C9: variants seen among roughly 807,000 people sequenced by gnomAD.
C9 encodes the protein complement C9.
Under a neutral mutation model 65.4 loss-of-function variants are expected in C9, and 63 were observed. That is an observed-to-expected ratio of 0.96 (90% CI 0.79 to 1.19). The LOEUF (loss-of-function observed/expected upper bound fraction) is 1.19, where lower values mean the gene tolerates loss of function less well. Among genes scored for constraint, C9 ranks in the 50% most tolerant of loss-of-function variants. C9 has a pLI of 0.00. For missense variants in C9, 744 were observed against 670.1 expected, an observed-to-expected ratio of 1.11 and a Z score of -1.22; for synonymous variants, 229 against 227.9, an observed-to-expected ratio of 1.00 and a Z score of -0.04.
At chr5:39,312,995 T>C (rs1379338030) in intron 6 of C9, among the ~76,000 whole-genome samples, 1 of 152,124 alleles carries the variant, frequency 6.6e-6, no homozygotes, top group Non-Finnish European at 1.5e-5. Flanking sequence ...CAAAGCATAT[T>C]TGGATTTCTT....
intron 1 of C9, among the ~76,000 whole-genome samples, chr5:39,354,969 T>G (rs1450849192): frequency 1.3e-5 from 2 of 152,216 alleles, no homozygotes; most frequent in East Asian, 3.9e-4. Context: ...TATTAACATT[T>G]CTATGAATCT....
intron 9 of C9, among the ~76,000 whole-genome samples, chr5:39,300,422 A>ACAAAAAGAAAAGAAG (rs1188523257): frequency 6.6e-6 from 1 of 152,138 alleles, no homozygotes; most frequent in Non-Finnish European, 1.5e-5. Flanking sequence ...TAAAACAAAA[A>ACAAAAAGAAAAGAAG]CAAAAAGAAA....
At chr5:39,360,627 A>G (rs1298060665) in intron 1 of C9, among the ~76,000 whole-genome samples, 1 of 152,206 alleles carries the variant, frequency 6.6e-6, no homozygotes, top group Non-Finnish European at 1.5e-5. Flanking sequence ...CAATAGAACA[A>G]TGGACAAAGG....
intron 1 of C9, among the ~76,000 whole-genome samples, chr5:39,353,486 T>C (rs1269674877): frequency 6.6e-6 from 1 of 152,236 alleles, no homozygotes. Context: ...GTCTTCAGGC[T>C]TTTAACCATG....
intron 5 of C9, among the ~76,000 whole-genome samples, chr5:39,322,688 C>A (rs374173260): frequency 6.6e-6 from 1 of 152,080 alleles, no homozygotes; most frequent in Non-Finnish European, 1.5e-5. Flanking sequence ...GGTTTTGCAT[C>A]CGTGGATTCA....
intron 9 of C9, among the ~76,000 whole-genome samples, chr5:39,295,504 AAAAG>A (rs1753170460): frequency 6.6e-6 from 1 of 151,632 alleles, no homozygotes; most frequent in South Asian, 2.1e-4. Flanking sequence ...CCAAAGATGT[AAAAG>A]AAAAACTATG....
intron 4 of C9, among the ~76,000 whole-genome samples, chr5:39,340,267 G>A (rs1205996973): frequency 6.6e-6 from 1 of 152,190 alleles, no homozygotes; most frequent in Non-Finnish European, 1.5e-5. Context: ...CATTATAGGT[G>A]AGGAAATAAA....
intron 5 of C9, among the ~76,000 whole-genome samples, chr5:39,317,361 G>A (rs926363670): frequency 7.2e-5 from 11 of 151,996 alleles, no homozygotes; most frequent in South Asian, 4.1e-4. Flanking sequence ...ACTGGATCCC[G>A]TTTGTCAATT....
At chr5:39,348,154 G>A (rs988393408) in intron 1 of C9, among the ~76,000 whole-genome samples, 2 of 152,066 alleles carry the variant, frequency 1.3e-5, no homozygotes, top group African/African-American at 4.8e-5. Context: ...GGCAACAAAA[G>A]CCAAAATTGA....
chr5:39,287,197 G>C (rs953489322), intron 10 of C9, among the ~76,000 whole-genome samples: 4 of 151,820 alleles, frequency 2.6e-5, no homozygotes, highest in African/African-American at 9.7e-5. Context: ...GTTTAATTGA[G>C]TCCTATTTGT....
chr5:39,350,290 C>T (rs915299744), intron 1 of C9, among the ~76,000 whole-genome samples: 2 of 152,154 alleles, frequency 1.3e-5, no homozygotes, highest in African/African-American at 4.8e-5. Context: ...CAGGCTCCTC[C>T]TTGAACATGT....
At chr5:39,342,369 C>A (rs1754103451) in intron 1 of C9, among the ~76,000 whole-genome samples, 173 bp from the exon 2 acceptor site, 1 of 152,140 alleles carries the variant, frequency 6.6e-6, no homozygotes, top group Non-Finnish European at 1.5e-5. Flanking sequence ...ATTTTCAACT[C>A]ATCTTTTTGT....
intron 4 of C9, among the ~76,000 whole-genome samples, chr5:39,335,343 C>T (rs1401817634): frequency 6.6e-6 from 1 of 152,086 alleles, no homozygotes; most frequent in East Asian, 1.9e-4. Flanking sequence ...AAATTGTGTT[C>T]AAATTAAGGA....
intron 1 of C9, among the ~76,000 whole-genome samples, chr5:39,360,709 A>G (rs184174378): frequency 2.0e-5 from 3 of 152,208 alleles, no homozygotes; most frequent in African/African-American, 7.2e-5. Flanking sequence ...AATCTGACTC[A>G]ATAAGAGAAA....
rs1319082522 is a variant in C9 at position 39,326,401 on chromosome 5, C to T, written c.615+5275G>A. Among the ~76,000 whole-genome samples the T allele has an allele frequency of 6.6e-5, 10 of 152,080 alleles. No individual in the cohort carries two copies. In the East Asian group the frequency reaches 1.5e-3, roughly 24 times the overall value. On this transcript the variant is annotated intron_variant, in intron 5 of 10. Transcript: ENST00000263408. ...CTTCTTCATCTCTACTATTACAGAC[C>T]CAGATTAGCCTTTTGTCATCTGCTT...
intron 9 of C9, among the ~76,000 whole-genome samples, chr5:39,305,588 T>G (rs1046235473): frequency 1.3e-5 from 2 of 152,076 alleles, no homozygotes; most frequent in Non-Finnish European, 2.9e-5. Context: ...AAAAAAGCAC[T>G]TACTAATAGT....
At chr5:39,332,180 T>G (rs1187083246) in intron 4 of C9, among the ~76,000 whole-genome samples, 2 of 152,218 alleles carry the variant, frequency 1.3e-5, no homozygotes, top group African/African-American at 4.8e-5. Context: ...ACCAACTATT[T>G]AAATTATTTG....
chr5:39,337,760 G>C (rs1753996006), intron 4 of C9, among the ~76,000 whole-genome samples: 1 of 152,236 alleles, frequency 6.6e-6, no homozygotes, highest in African/African-American at 2.4e-5. Context: ...AATCTCAGAT[G>C]CCTACAAATA....
intron 1 of C9, 142 bp downstream of exon 1, chr5:39,364,246 A>G (rs1319524443): frequency 9.2e-6 from 6 of 648,800 alleles, no homozygotes; most frequent in Non-Finnish European, 1.7e-5. Flanking sequence ...GTATTTTCTT[A>G]TCTCTTTTCG....
Sources: allele counts gnomAD v4.1 joint callset (sites outside exome capture counted in the v4.1 genomes callset), GRCh38; gene constraint gnomAD v4.1.1; transcripts MANE v1.5; gene names NCBI Gene and HGNC (gene_info 2026-07-23, HGNC 2026-07-21).